Variants in ANKRD36C observed in about 807,000 individuals in gnomAD.
ANKRD36C encodes the protein ankyrin repeat domain 36C.
Under a neutral mutation model 276.4 loss-of-function variants are expected in ANKRD36C, and 61 were observed. The observed-to-expected ratio is 0.22, with a 90% CI of 0.18 to 0.27. The LOEUF (loss-of-function observed/expected upper bound fraction) is 0.27, where lower values mean the gene tolerates loss of function less well. Ranked by LOEUF, ANKRD36C falls within the 10% of genes least tolerant of loss-of-function variation. The pLI is 1.00. For synonymous variants in ANKRD36C, 483 were observed against 680.1 expected, an observed-to-expected ratio of 0.71 and a Z score of 4.51; for missense variants, 1,447 against 2,032.3, an observed-to-expected ratio of 0.71 and a Z score of 5.54.
At chr2:95,916,687 T>A (rs1426956733) in intron 36 of ANKRD36C, among the ~76,000 whole-genome samples, 1 of 151,676 alleles carries the variant, frequency 6.6e-6, no homozygotes, top group Non-Finnish European at 1.5e-5. Context: ...GGAAGTGTCC[T>A]AAATTGATCA....
At chr2:95,982,164 T>A in intron 4 of ANKRD36C, 92 bp downstream of exon 4, 1 of 957,144 alleles carries the variant, frequency 1.0e-6, no homozygotes, top group Non-Finnish European at 1.5e-6. Context: ...TTAGTCTTCT[T>A]ATTAATGTAA....
chr2:95,957,207 A>G (rs1485447012), intron 12 of ANKRD36C, among the ~76,000 whole-genome samples: 1 of 152,296 alleles, frequency 6.6e-6, no homozygotes, highest in Non-Finnish European at 1.5e-5. Context: ...TCAGCTACTC[A>G]GGAGACTGAG....
chr2:95,916,453 T>C (rs1677100151), intron 36 of ANKRD36C, among the ~76,000 whole-genome samples: 1 of 151,578 alleles, frequency 6.6e-6, no homozygotes, highest in South Asian at 2.1e-4. Flanking sequence ...GTATGCTGAG[T>C]GATGAGGACA....
chr2:95,971,919 A>G (rs957513084), intron 6 of ANKRD36C, among the ~76,000 whole-genome samples: 10 of 152,178 alleles, frequency 6.6e-5, no homozygotes, highest in Non-Finnish European at 1.2e-4. Flanking sequence ...ATATTCACCA[A>G]AATTCCAAAA....
intron 17 of ANKRD36C, among the ~76,000 whole-genome samples, chr2:95,945,692 G>A (rs1323234433): frequency 1.8e-4 from 28 of 152,090 alleles, no homozygotes; most frequent in South Asian, 1.7e-3. Context: ...TATAACCTCC[G>A]CTCCTTCCAA....
intron 17 of ANKRD36C, among the ~76,000 whole-genome samples, 179 bp downstream of exon 17, chr2:95,948,351 G>T (rs1207467478): frequency 6.6e-6 from 1 of 151,774 alleles, no homozygotes; most frequent in African/African-American, 2.4e-5. Flanking sequence ...TTTCTTATTT[G>T]CAAAGTAAAA....
chr2:95,914,252 A>G (rs1387432231), intron 39 of ANKRD36C, 23 bp downstream of exon 41: 15 of 1,553,866 alleles, frequency 9.7e-6, no homozygotes, highest in African/African-American at 1.4e-5. Flanking sequence ...ACTAGGTCAC[A>G]ATATAAATGA....
intron 32 of ANKRD36C, among the ~76,000 whole-genome samples, chr2:95,923,187 C>T (rs562474664): frequency 6.6e-6 from 1 of 151,508 alleles, no homozygotes; most frequent in Non-Finnish European, 1.5e-5. Flanking sequence ...CTCCTTCCAC[C>T]CTTGGTGAAA....
intron 52 of ANKRD36C, among the ~76,000 whole-genome samples, chr2:95,885,063 C>A (rs948261643): frequency 1.8e-4 from 28 of 152,010 alleles, no homozygotes; most frequent in Admixed American, 5.3e-4. Flanking sequence ...ATAAAAATAT[C>A]ATCAATTATC....
chr2:95,957,137 G>A (rs1316108653), intron 12 of ANKRD36C, among the ~76,000 whole-genome samples: 1 of 152,336 alleles, frequency 6.6e-6, no homozygotes, highest in South Asian at 2.1e-4. Context: ...CCAACATGGC[G>A]AAAGCCGGTC....
intron 34 of ANKRD36C, 37 bp from the exon 35 acceptor site, chr2:95,919,957 A>G: frequency 6.6e-7 from 1 of 1,521,618 alleles, no homozygotes; most frequent in South Asian, 1.1e-5. Context: ...ACTCATATAT[A>G]AATATGATAA....
chr2:95,873,768 A>T (rs538385464), intron 59 of ANKRD36C, among the ~76,000 whole-genome samples: 2 of 152,328 alleles, frequency 1.3e-5, no homozygotes, highest in East Asian at 3.9e-4. Flanking sequence ...TGATTGTATA[A>T]CTAGAAAACC....
rs767195263 is a variant in ANKRD36C at position 95,917,950 on chromosome 2, T to C, written c.2275-23A>G. ...AGCCTGAATGGAATTTGAAAGAAAA[T>C]AATAAATAAATAAATCAATGAAGTA... is the stretch of plus-strand genomic sequence containing the variant. On this transcript the variant is annotated intron_variant, in intron 35 of 66. Coordinates refer to ENST00000456556, the Ensembl canonical transcript of ANKRD36C. 31 of 1,600,200 alleles carry C rather than the reference T, an allele frequency of 1.9e-5. 1 individual carries two copies. The South Asian group carries it at 3.0e-4, about 15-fold the overall frequency.
At chr2:95,981,822 T>G (rs916874517) in intron 4 of ANKRD36C, among the ~76,000 whole-genome samples, 2 of 152,032 alleles carry the variant, frequency 1.3e-5, no homozygotes, top group Admixed American at 6.6e-5. Flanking sequence ...TAAAGCTATC[T>G]TTTCTCCCCC....
chr2:95,965,426 T>C (rs1678568240), intron 6 of ANKRD36C, among the ~76,000 whole-genome samples: 1 of 152,134 alleles, frequency 6.6e-6, no homozygotes, highest in South Asian at 2.1e-4. Context: ...ACTTTGACCA[T>C]TGGCCATTTC....
intron 60 of ANKRD36C, among the ~76,000 whole-genome samples, chr2:95,867,152 A>G (rs1814511): frequency 6.6e-5 from 10 of 152,314 alleles, no homozygotes; most frequent in African/African-American, 9.6e-5. Context: ...CAGGTGGGAG[A>G]AAATGGTAAC....
intron 16 of ANKRD36C, among the ~76,000 whole-genome samples, chr2:95,950,137 A>G (rs1275090686): frequency 4.6e-5 from 7 of 152,294 alleles, no homozygotes; most frequent in Non-Finnish European, 7.3e-5. Flanking sequence ...AACATGGACT[A>G]TATTTAGATA....
At chr2:95,990,624 T>G (rs1679119459) in intron 1 of ANKRD36C, among the ~76,000 whole-genome samples, 1 of 152,244 alleles carries the variant, frequency 6.6e-6, no homozygotes, top group Admixed American at 6.5e-5. Flanking sequence ...TTGGATTATG[T>G]AAAATTTATA....
intron 6 of ANKRD36C, among the ~76,000 whole-genome samples, chr2:95,965,956 TA>T (rs775278418): frequency 6.6e-6 from 1 of 152,022 alleles, no homozygotes; most frequent in African/African-American, 2.4e-5. Context: ...TTTTCTTTTT[TA>T]AAAAAAATTT....
Sources: allele counts gnomAD v4.1 joint callset (sites outside exome capture counted in the v4.1 genomes callset), GRCh38; gene constraint gnomAD v4.1.1; transcripts MANE v1.5; gene names NCBI Gene and HGNC (gene_info 2026-07-23, HGNC 2026-07-21).